The following ATAD2 variants were observed in gnomAD, a reference collection of about 807,000 sequenced individuals.
ATAD2 encodes the protein ATPase family AAA domain-containing protein 2.
Under a neutral mutation model 168.9 loss-of-function variants are expected in ATAD2, and 62 were observed. The ratio of observed to expected loss-of-function variants is 0.37; its 90% confidence interval spans 0.30 to 0.45. The LOEUF (loss-of-function observed/expected upper bound fraction) is 0.45. ATAD2 is among the 20% of genes least tolerant of loss of function. The pLI is 1.00. For missense variants in ATAD2, 1,419 were observed against 1,667.8 expected (o/e 0.85, Z 2.60); for synonymous variants, 613 against 571.6 (o/e 1.07, Z -1.03).
At chr8:123,356,604 T>A in intron 12 of ATAD2, 127 bp from the exon 13 acceptor site, 1 of 449,100 alleles carries the variant, frequency 2.2e-6, no homozygotes, top group Non-Finnish European at 3.5e-6. Context: ...GAATATATAC[T>A]ATTTGAATCG....
chr8:123,347,467 C>CT, intron 15 of ATAD2, 61 bp from the exon 16 acceptor site: 1 of 1,416,632 alleles, frequency 7.1e-7, no homozygotes, highest in Non-Finnish European at 9.5e-7. Context: ...ACACAAAACT[C>CT]TATTAGCATG....
intron 1 of ATAD2, among the ~76,000 whole-genome samples, chr8:123,388,892 T>C (rs572409019): frequency 6.6e-6 from 1 of 152,056 alleles, no homozygotes; most frequent in South Asian, 2.1e-4. Context: ...AGTTCCATGA[T>C]TCAACTTCTC....
chr8:123,359,526 AAAAC>A (rs1173533289), intron 10 of ATAD2, 47 bp downstream of exon 10: 2 of 1,495,956 alleles, frequency 1.3e-6, no homozygotes, highest in East Asian at 2.3e-5. Context: ...CTTTAAAACT[AAAAC>A]AAAGCACATT....
intron 2 of ATAD2, among the ~76,000 whole-genome samples, chr8:123,377,220 G>A (rs906035742): frequency 5.3e-5 from 8 of 151,730 alleles, no homozygotes; most frequent in Admixed American, 4.6e-4. Flanking sequence ...TGTGAGCCAT[G>A]ATCATGCCAC....
intron 1 of ATAD2, among the ~76,000 whole-genome samples, chr8:123,381,424 C>T (rs916403185): frequency 3.9e-5 from 6 of 152,092 alleles, no homozygotes; most frequent in African/African-American, 1.4e-4. Flanking sequence ...TGATTTGAGC[C>T]TGGGAGGTGG....
chr8:123,367,504 G>T (rs1829017735), intron 8 of ATAD2, among the ~76,000 whole-genome samples: 1 of 152,174 alleles, frequency 6.6e-6, no homozygotes, highest in African/African-American at 2.4e-5. Flanking sequence ...TCCACCCCTT[G>T]AGTTAGGTAA....
At chr8:123,347,914 ATAT>A (rs1172568920) in intron 15 of ATAD2, 28 of 431,916 alleles carry the variant, frequency 6.5e-5, no homozygotes, top group Admixed American at 9.7e-5. Flanking sequence ...TTGTACAATT[ATAT>A]TATTATCTAC....
intron 24 of ATAD2, among the ~76,000 whole-genome samples, chr8:123,330,194 T>A (rs955392064): frequency 1.3e-5 from 2 of 151,896 alleles, no homozygotes. Context: ...CTTGCTCTGC[T>A]GCCCAGGCTG....
rs1812826034 is a variant in ATAD2, at chr8:123,396,303, T to C, written c.55A>G (p.Thr19Ala). 2 of 1,610,572 alleles carry C rather than the reference T, an allele frequency of 1.2e-6. No individual in the cohort carries two copies. The highest frequency in any genetic ancestry group is 1.7e-6 in the Non-Finnish European group (2 of 1,179,010). ...ELHNHSAASA[T>A]GSLDLSSDFL... Reference sequence around the variant, plus strand: ...TCACTGGACAGGTCCAAGGAGCCCGTGGCCGAGGCCGCGGAGTGGTTGTGC... The same window carrying C: ...TCACTGGACAGGTCCAAGGAGCCCGCGGCCGAGGCCGCGGAGTGGTTGTGC... Residue 19 changes from threonine to alanine, a missense_variant, in exon 1 of 28, where the codon ACG (threonine) becomes GCG (alanine). Around this residue, in one of 5 missense-constraint regions of ATAD2, gnomAD observed 419 missense variants for 423.5 expected, o/e 0.99. Coordinates refer to ENST00000287394, the MANE Select transcript of ATAD2 (RefSeq NM_014109.4).
intron 1 of ATAD2, among the ~76,000 whole-genome samples, chr8:123,389,984 A>ATATATATATAT (rs1232318597): frequency 8.7e-6 from 1 of 115,186 alleles, no homozygotes; most frequent in Non-Finnish European, 1.6e-5. Context: ...ATATATATAT[A>ATATATATATAT]TTTTTTTTTT....
chr8:123,385,731 A>T (rs371943695), intron 1 of ATAD2, among the ~76,000 whole-genome samples: 8 of 152,288 alleles, frequency 5.3e-5, no homozygotes, highest in African/African-American at 1.9e-4. Context: ...AGAATACGAA[A>T]AAAATCTGCA....
At chr8:123,353,175 C>A (rs539615942) in intron 13 of ATAD2, among the ~76,000 whole-genome samples, 1 of 152,132 alleles carries the variant, frequency 6.6e-6, no homozygotes, top group East Asian at 1.9e-4. Context: ...ACCAGCTTGG[C>A]CAAAATGGCA....
At chr8:123,331,040 C>T (rs1452161375) in intron 24 of ATAD2, among the ~76,000 whole-genome samples, 2 of 152,054 alleles carry the variant, frequency 1.3e-5, no homozygotes, top group Non-Finnish European at 2.9e-5. Flanking sequence ...TCTCTTGCCT[C>T]AGTCCCTTGA....
rs576667797 is a variant in ATAD2, at chr8:123,379,145, G to A, written c.320+1384C>T. Among the ~76,000 whole-genome samples the A allele has an allele frequency of 7.2e-5, 11 of 151,918 alleles. 2 individuals are homozygous for A. The South Asian group carries it at 1.2e-3, about 17-fold the overall frequency. ...AATTTTACCCTAATTGGGGTTTTTCGCCCTGAACCAAAGATATTCCAGTTC... is the reference window on the plus strand; with the variant it reads ...AATTTTACCCTAATTGGGGTTTTTCACCCTGAACCAAAGATATTCCAGTTC... On this transcript the variant is annotated intron_variant, in intron 2 of 27. Coordinates refer to ENST00000287394, the MANE Select transcript of ATAD2 (RefSeq NM_014109.4).
At chr8:123,376,645 T>A (rs190814603) in intron 2 of ATAD2, among the ~76,000 whole-genome samples, 8 of 152,096 alleles carry the variant, frequency 5.3e-5, no homozygotes, top group Admixed American at 2.6e-4. Context: ...TATATCTCAA[T>A]AAACTGTTAT....
chr8:123,401,913 A>C, intron 1 of ATAD2: 3 of 774,000 alleles, frequency 3.9e-6, no homozygotes, highest in Non-Finnish European at 7.1e-6. Flanking sequence ...ATCCAGGACA[A>C]AGGGTCCATT....
intron 8 of ATAD2, among the ~76,000 whole-genome samples, chr8:123,368,195 A>ACC: frequency 6.6e-6 from 1 of 152,314 alleles, no homozygotes; most frequent in East Asian, 1.9e-4. Flanking sequence ...AGGCGAGTGG[A>ACC]TCACTTGAGG....
At chr8:123,354,376 TTAAA>T (rs1828564618) in intron 13 of ATAD2, among the ~76,000 whole-genome samples, 1 of 152,136 alleles carries the variant, frequency 6.6e-6, no homozygotes, top group African/African-American at 2.4e-5. Context: ...AAGTTTTTGG[TTAAA>T]ATAACTTGAA....
chr8:123,409,829 G>A (rs1014234237), intron 1 of ATAD2, among the ~76,000 whole-genome samples: 6 of 151,400 alleles, frequency 4.0e-5, no homozygotes, highest in African/African-American at 1.2e-4. Flanking sequence ...CCAGCTACTC[G>A]GGAGGCTGAG....
Sources: gnomAD v4.1 joint callset for allele counts (sites outside exome capture counted in the v4.1 genomes callset) on GRCh38, gnomAD v4.1.1 for gene constraint, gnomAD v4.1.1 regional missense constraint, MANE v1.5 for transcripts, NCBI Gene and HGNC (gene_info 2026-07-23, HGNC 2026-07-21) for gene names.